The following VKORC1 variants were observed in gnomAD, a reference collection of about 807,000 sequenced individuals.
The protein encoded by VKORC1 is phylloquinone epoxide reductase.
Under a neutral mutation model 14.8 loss-of-function variants are expected in VKORC1, and 12 were observed. The observed-to-expected ratio is 0.81, with a 90% CI of 0.52 to 1.31. VKORC1 has a LOEUF of 1.31. VKORC1 is among the 50% of genes most tolerant of loss of function. The pLI is 0.00. For missense variants in VKORC1, 223 were observed against 215.3 expected, an observed-to-expected ratio of 1.04 and a Z score of -0.22; for synonymous variants, 94 against 92.5, an observed-to-expected ratio of 1.02 and a Z score of -0.09.
In VKORC1 at chr16:31,091,256, G is replaced by C. The variant is rs1361180864; in HGVS notation, c.370C>G (p.Leu124Val). ...LAGSVYLAWI[L>V]FFVLYDFCIV... ...CAGAAATCATAGAGCACGAAGAACA[G>C]GATCCAGGCCAGGTAGACAGAACCA... The change falls in exon 3 of 3, where the codon CTG becomes GTG. Residue 124 changes from leucine (L) to valine (V), a missense_variant. Coordinates refer to ENST00000394975, the MANE Select transcript of VKORC1 (RefSeq NM_024006.6). The C allele has an allele frequency of 6.2e-7, 1 of 1,614,176 alleles. No homozygotes were observed. Among genetic ancestry groups the C allele is most frequent in the Non-Finnish European group, 8.5e-7 (1 of 1,180,042 alleles).
intron 2 of VKORC1, among the ~76,000 whole-genome samples, chr16:31,092,213 G>A (rs1385098180): frequency 1.3e-5 from 2 of 149,162 alleles, no homozygotes; most frequent in Admixed American, 6.7e-5. Flanking sequence ...AATTAGCTGG[G>A]TGCAGTGACA....
Position 31,093,396 on chromosome 16 carries a change from C to T in VKORC1, c.199G>A (p.Glu67Lys). The T allele has an allele frequency of 1.2e-6, 2 of 1,614,178 alleles. No individual in the cohort carries two copies. The highest frequency in any genetic ancestry group is 1.7e-6 in the Non-Finnish European group (2 of 1,180,030). ...ATGCTGTCCTGTCCCAGCACATGCT[C>T]CACCAGCCCGAAACCCCTGCCCCAC... ...SRWGRGFGLVEHVLGQDSILN... is the reference protein window; with the variant it reads ...SRWGRGFGLVKHVLGQDSILN... Residue 67 changes from glutamate to lysine, a missense_variant, in exon 2 of 3, where the codon GAG (glutamate) becomes AAG (lysine). Transcript: ENST00000394975.
chr16:31,092,483 G>C (rs943177371), intron 2 of VKORC1, among the ~76,000 whole-genome samples: 2 of 152,192 alleles, frequency 1.3e-5, no homozygotes, highest in Admixed American at 1.3e-4. Context: ...CCATGGTGCT[G>C]GGCCTCCCTC....
At chr16:31,091,470 G>C (rs2057290004) in intron 2 of VKORC1, 128 bp from the exon 3 acceptor site, 1 of 1,519,558 alleles carries the variant, frequency 6.6e-7, no homozygotes, top group African/African-American at 1.4e-5. Flanking sequence ...GAGGCTCCAG[G>C]GCAGATGTGG....
In VKORC1 at chr16:31,090,928, A is replaced by G; in HGVS notation, c.*206T>C. 1 of 771,780 alleles carries G rather than the reference A, an allele frequency of 1.3e-6. No individual in the cohort carries two copies. Among genetic ancestry groups the G allele is most frequent in the Non-Finnish European group, 2.0e-6 (1 of 490,330 alleles). The allele number at this position is 771,780 out of a possible 1,614,324, so 47.8% of individuals were successfully genotyped here. A position where few individuals can be genotyped will look rare whatever the true frequency, so the allele number is the denominator to read the frequency against. ...TGGAAAGAGCTTTGGAGACCAGCCC[A>G]TGGGGACAGAGTCAGAGGCACTGGG... On this transcript the variant is annotated 3_prime_UTR_variant, in exon 3 of 3. Transcript: ENST00000394975.
rs2057310814 is a variant in VKORC1, at chr16:31,094,100, C to T, written c.173+457G>A. On this transcript the variant is annotated intron_variant, in intron 1 of 2. Transcript: ENST00000394975. ...GGGGCAGATTATCTTTGCCCTGGAC[C>T]CCAGAATCTCCAGCTCCCTGGCCAC... The T allele has an allele frequency of 2.7e-6, 4 of 1,454,920 alleles. No homozygotes were observed. The South Asian group carries it at 3.9e-5, about 14-fold the overall frequency. The allele number at this position is 1,454,920 out of a possible 1,614,324, so 90.1% of individuals were successfully genotyped here.
chr16:31,093,478 G>A, intron 1 of VKORC1, 57 bp from the exon 2 acceptor site: 3 of 1,613,156 alleles, frequency 1.9e-6, no homozygotes, highest in East Asian at 2.2e-5. Flanking sequence ...CCAGTGCCTT[G>A]GACCCTGCCC....
chr16:31,090,952 G>A lies in VKORC1; in HGVS notation c.*182C>T, dbSNP rs1490298098. 4.2e-6 allele frequency: 4 copies of A among 947,350 alleles called. No homozygotes were observed. Among genetic ancestry groups the A allele is most frequent in the South Asian group, 3.3e-5 (2 of 61,474 alleles). 58.7% of individuals were successfully genotyped at this position (947,350 alleles called of 1,614,324 possible). The stretch of plus-strand genomic sequence containing the variant: ...CATGGGGACAGAGTCAGAGGCACTG[G>A]GTGTAAAAAAGAGCGAGCGTGTGGC... On this transcript the variant is annotated 3_prime_UTR_variant, in exon 3 of 3. Coordinates refer to ENST00000394975, the MANE Select transcript of VKORC1 (RefSeq NM_024006.6).
intron 2 of VKORC1, among the ~76,000 whole-genome samples, chr16:31,092,224 T>A (rs17884982): frequency 2.6e-4 from 34 of 133,132 alleles, no homozygotes; most frequent in African/African-American, 9.2e-4. Flanking sequence ...TGCAGTGACA[T>A]GCCTATAGTC....
rs190700561 is a variant in VKORC1, at chr16:31,093,535, C to T, written c.174-114G>A. 336 of 1,563,084 alleles carry T rather than the reference C, an allele frequency of 2.1e-4. 2 individuals carry two copies. In the East Asian group the frequency reaches 5.4e-3, roughly 25 times the overall value. The stretch of plus-strand genomic sequence containing the variant: ...GCCACCTGGGCTATCCTCTGTTCCC[C>T]GACCTCCCATCCTAGTCCAAGGGTC... On this transcript the variant is annotated intron_variant, in intron 1 of 2. Coordinates refer to ENST00000394975, the MANE Select transcript of VKORC1 (RefSeq NM_024006.6).
At chr16:31,092,017 A>C (rs1252285263) in intron 2 of VKORC1, among the ~76,000 whole-genome samples, 1 of 152,008 alleles carries the variant, frequency 6.6e-6, no homozygotes, top group African/African-American at 2.4e-5. Flanking sequence ...GTCTCCACTA[A>C]AAATACAAAA....
intron 2 of VKORC1, among the ~76,000 whole-genome samples, chr16:31,092,160 G>A (rs1352738086): frequency 2.4e-5 from 3 of 122,804 alleles, no homozygotes; most frequent in Admixed American, 1.1e-4. Flanking sequence ...CCTGGTGACA[G>A]AGCGAGACTA....
At chr16:31,092,855 G>T in intron 2 of VKORC1, 1 of 1,010,342 alleles carries the variant, frequency 9.9e-7, no homozygotes, top group Non-Finnish European at 1.3e-6. Flanking sequence ...GCAACATGGC[G>T]AGACACCATC....
chr16:31,094,676 C>A lies in VKORC1; in HGVS notation c.54G>T (p.Thr18=), dbSNP rs771891906. Residue 18 remains threonine (T), a synonymous_variant, in exon 1 of 3, where the codon ACG becomes ACT. Coordinates refer to ENST00000394975, the MANE Select transcript of VKORC1 (RefSeq NM_024006.6). The part of the protein sequence containing the change: ...PGWVRLALCL[T]GLVLSLYALH... ...GCGCGTAGAGCGAGAGCACTAAGCC[C>A]GTCAGGCAAAGAGCGAGCCGCACCC... The A allele has an allele frequency of 1.9e-5, 31 of 1,607,950 alleles. No individual in the cohort carries two copies. The Admixed American group carries it at 2.0e-4, about 10-fold the overall frequency.
chr16:31,093,323 T>C lies in VKORC1; in HGVS notation c.272A>G (p.Gln91Arg). 1.9e-6 allele frequency: 3 copies of C among 1,613,702 alleles called. No individual in the cohort carries two copies. In the South Asian group the frequency reaches 3.3e-5, roughly 18 times the overall value. Residue 91 changes from glutamine (Q) to arginine (R), a missense_variant, in exon 2 of 3, where the codon CAG becomes CGG. Coordinates refer to ENST00000394975, the MANE Select transcript of VKORC1 (RefSeq NM_024006.6). ...SIFGCIFYTL[Q>R]LLLGCLRTRW... is the part of the protein sequence containing the mutation. ...GCGGAGCCACTCACCTAACAATAGCTGTAGTGTGTAGAAGATGCAACCGAA... is the reference window on the plus strand; with the variant it reads ...GCGGAGCCACTCACCTAACAATAGCCGTAGTGTGTAGAAGATGCAACCGAA...
intron 2 of VKORC1, 40 bp downstream of exon 2, chr16:31,093,272 G>T: frequency 6.4e-7 from 1 of 1,571,586 alleles, no homozygotes. Context: ...GGGGATGAGG[G>T]GCGGGGCGGG....
intron 2 of VKORC1, 82 bp downstream of exon 2, chr16:31,093,230 A>G: frequency 7.3e-7 from 1 of 1,373,238 alleles, no homozygotes; most frequent in Non-Finnish European, 9.8e-7. Context: ...TGGATCACCA[A>G]GATTGCATGG....
Position 31,091,035 on chromosome 16 carries a change from C to G in VKORC1, c.*99G>C. ...AGGAGGAGGGGGTAATCTAGAAGCC[C>G]CACATCTAGGGCCTTCTAGGGACCC... On this transcript the variant is annotated 3_prime_UTR_variant, in exon 3 of 3. Transcript: ENST00000394975. 6.5e-7 allele frequency: 1 copy of G among 1,545,376 alleles called. No homozygotes were observed. Among genetic ancestry groups the G allele is most frequent in the South Asian group, 1.2e-5 (1 of 84,132 alleles).
chr16:31,094,187 C>A (rs1344215715), intron 1 of VKORC1: 2 of 1,583,128 alleles, frequency 1.3e-6, no homozygotes, highest in Non-Finnish European at 8.6e-7. Context: ...ACAGCCAGAC[C>A]GGGCCACCTT....
Sources: allele counts gnomAD v4.1 joint callset (sites outside exome capture counted in the v4.1 genomes callset), GRCh38; gene constraint gnomAD v4.1.1; transcripts MANE v1.5; gene names NCBI Gene and HGNC (gene_info 2026-07-23, HGNC 2026-07-21).